Variants in PAPPA2 observed in about 807,000 individuals in gnomAD.
PAPPA2 encodes pappalysin-2.
In PAPPA2, 86 loss-of-function variants were observed where a neutral mutation model predicts 176.4. The observed-to-expected ratio is 0.49, with a 90% CI of 0.41 to 0.58. The LOEUF (loss-of-function observed/expected upper bound fraction) is 0.58. Ranked by LOEUF, PAPPA2 falls within the 20% of genes least tolerant of loss-of-function variation. The probability of loss-of-function intolerance (pLI) is 0.00; values close to 1 mark genes in which losing one functional copy is unlikely to be tolerated. For synonymous variants in PAPPA2, 809 were observed against 852.2 expected (o/e 0.95, Z 0.88); for missense variants, 2,073 against 2,256.9 (o/e 0.92, Z 1.65).
At chr1:176,471,535 C>T (rs776992968) in intron 1 of PAPPA2, among the ~76,000 whole-genome samples, 3 of 152,116 alleles carry the variant, frequency 2.0e-5, no homozygotes, top group Non-Finnish European at 2.9e-5. Context: ...GATAAACAAA[C>T]AGAACTTGGT....
intron 4 of PAPPA2, among the ~76,000 whole-genome samples, chr1:176,679,773 A>ATTCT (rs1364268312): frequency 6.6e-6 from 1 of 152,258 alleles, no homozygotes; most frequent in Non-Finnish European, 1.5e-5. Flanking sequence ...ATGACTCAGA[A>ATTCT]GTCAGAGAGA....
intron 3 of PAPPA2, among the ~76,000 whole-genome samples, chr1:176,623,711 C>CTTCTTTCT (rs137895257): frequency 0.26 from 32,198 of 123,110 alleles, 5,160 homozygotes; most frequent in African/African-American, 0.4. Context: ...TCTTTCTTTT[C>CTTCTTTCT]TTCTTTCTTT....
intron 2 of PAPPA2, among the ~76,000 whole-genome samples, chr1:176,567,653 A>G (rs1251821650): frequency 6.6e-6 from 1 of 152,240 alleles, no homozygotes; most frequent in African/African-American, 2.4e-5. Context: ...AGGTGCTCAG[A>G]ATTTAGGCCT....
At chr1:176,617,753 T>G (rs904900094) in intron 3 of PAPPA2, among the ~76,000 whole-genome samples, 3 of 152,124 alleles carry the variant, frequency 2.0e-5, no homozygotes, top group Non-Finnish European at 4.4e-5. Flanking sequence ...TATAAACATG[T>G]GTGTGCAAGT....
intron 3 of PAPPA2, among the ~76,000 whole-genome samples, chr1:176,602,435 A>T (rs1354119555): frequency 2.0e-5 from 3 of 152,166 alleles, no homozygotes; most frequent in African/African-American, 7.2e-5. Flanking sequence ...ATCAAAGGGA[A>T]CAGGTGAAGA....
chr1:176,728,062 A>T (rs559108436), intron 12 of PAPPA2, among the ~76,000 whole-genome samples: 17 of 152,124 alleles, frequency 1.1e-4, no homozygotes, highest in Non-Finnish European at 2.2e-4. Context: ...TCAAAATAAG[A>T]TCAACAATCA....
At chr1:176,620,383 A>G (rs185560272) in intron 3 of PAPPA2, among the ~76,000 whole-genome samples, 1 of 152,268 alleles carries the variant, frequency 6.6e-6, no homozygotes, top group African/African-American at 2.4e-5. Context: ...TAGGCCACCT[A>G]CTTCTTAAAG....
chr1:176,704,805 T>A (rs1354736359), intron 9 of PAPPA2, among the ~76,000 whole-genome samples: 1 of 152,182 alleles, frequency 6.6e-6, no homozygotes, highest in Admixed American at 6.5e-5. Flanking sequence ...ACAAAAATAA[T>A]GTAACATGCC....
At chr1:176,779,511 CACACACACAGAG>C (rs757288045) in intron 17 of PAPPA2, among the ~76,000 whole-genome samples, 3 of 148,780 alleles carry the variant, frequency 2.0e-5, no homozygotes, top group Non-Finnish European at 3.0e-5. Context: ...CACACACACA[CACACACACAGAG>C]AGAGAGAGAG....
intron 16 of PAPPA2, 143 bp downstream of exon 16, chr1:176,769,927 C>A: frequency 2.3e-6 from 2 of 872,170 alleles, no homozygotes; most frequent in Non-Finnish European, 3.4e-6. Context: ...CCAGAAAAGT[C>A]CCAAAAGGCA....
chr1:176,498,343 C>G (rs1313800537), intron 1 of PAPPA2, among the ~76,000 whole-genome samples: 1 of 152,130 alleles, frequency 6.6e-6, no homozygotes, highest in Admixed American at 6.5e-5. Flanking sequence ...TCCTTAGCCA[C>G]AGAGATTCAT....
intron 21 of PAPPA2, among the ~76,000 whole-genome samples, chr1:176,822,785 A>G (rs1366424568): frequency 6.6e-6 from 1 of 152,180 alleles, no homozygotes; most frequent in African/African-American, 2.4e-5. Flanking sequence ...ATGAAATTTG[A>G]TCTTTTACTG....
intron 21 of PAPPA2, among the ~76,000 whole-genome samples, chr1:176,828,549 T>TA (rs1666947321): frequency 2.6e-5 from 4 of 151,770 alleles, no homozygotes; most frequent in Admixed American, 2.6e-4. Flanking sequence ...GGGAGAAGCA[T>TA]ATATATGTAT....
At chr1:176,518,492 C>A (rs144469205) in intron 1 of PAPPA2, among the ~76,000 whole-genome samples, 1 of 151,122 alleles carries the variant, frequency 6.6e-6, no homozygotes, top group Non-Finnish European at 1.5e-5. Context: ...CCAGAAGACA[C>A]CCTGAAACTT....
rs1667534224 is a variant in PAPPA2 at position 176,842,760 on chromosome 1, C to T, written c.*306C>T. The T allele has an allele frequency of 3.3e-6, 1 of 299,114 alleles. No individual in the cohort carries two copies. The allele number at this position is 299,114 out of a possible 1,614,324, so 18.5% of individuals were successfully genotyped here. A position where few individuals can be genotyped will look rare whatever the true frequency, so the allele number is the denominator to read the frequency against. On this transcript the variant is annotated 3_prime_UTR_variant, in exon 23 of 23. Transcript: ENST00000367662. ...CACTTATATTCTATTAAATCCTATC[C>T]TCAACTCTTGCCCTGCTCTCCGCTC... is the stretch of plus-strand genomic sequence containing the variant.
At chr1:176,688,732 T>G (rs1446653500) in intron 4 of PAPPA2, among the ~76,000 whole-genome samples, 2 of 152,130 alleles carry the variant, frequency 1.3e-5, no homozygotes, top group African/African-American at 2.4e-5. Context: ...AGACTGGAAC[T>G]TGGACTTAGA....
rs1662181547 is a variant in PAPPA2, at chr1:176,732,009, T to C, written c.3799-7617T>C. Among the ~76,000 whole-genome samples the C allele has an allele frequency of 2.6e-5, 4 of 152,164 alleles. No homozygotes were observed. The South Asian group carries it at 8.3e-4, about 31-fold the overall frequency. On this transcript the variant is annotated intron_variant, in intron 12 of 22. Transcript: ENST00000367662. ...GTTTTGGCTAAATCTGGCAAAATAG[T>C]TTATAATTTAAAAAATATAATTAGT... is the stretch of plus-strand genomic sequence containing the variant.
At position 176,690,333 on chromosome 1, in the gene PAPPA2, C is replaced by T; in HGVS notation, c.2334C>T (p.Pro778=). Reference sequence around the variant, plus strand: ...TCTGTGCCGACACCGCCCCCACTCCCAAGAGTGAGCTGTGCCGGGAACCAG... The same window carrying T: ...TCTGTGCCGACACCGCCCCCACTCCTAAGAGTGAGCTGTGCCGGGAACCAG... The part of the protein sequence containing the change: ...GDLCADTAPT[P]KSELCREPEP... The change falls in exon 5 of 23, where the codon CCC becomes CCT. Residue 778 remains proline (P), a synonymous_variant. Coordinates refer to ENST00000367662, the MANE Select transcript of PAPPA2 (RefSeq NM_020318.3). 6.2e-7 allele frequency: 1 copy of T among 1,614,172 alleles called. No homozygotes were observed. Among genetic ancestry groups the T allele is most frequent in the Non-Finnish European group, 8.5e-7 (1 of 1,180,010 alleles).
chr1:176,655,782 G>A (rs1443380192), intron 3 of PAPPA2, among the ~76,000 whole-genome samples: 2 of 151,696 alleles, frequency 1.3e-5, no homozygotes, highest in Admixed American at 1.3e-4. Context: ...GACATCACCA[G>A]CACACAATAT....
Sources: gnomAD v4.1 joint callset for allele counts (sites outside exome capture counted in the v4.1 genomes callset) on GRCh38, gnomAD v4.1.1 for gene constraint, MANE v1.5 for transcripts, NCBI Gene and HGNC (gene_info 2026-07-23, HGNC 2026-07-21) for gene names.